OTOGL: variants seen among roughly 807,000 people sequenced by gnomAD.
OTOGL encodes otogelin like.
OTOGL carries 285 observed loss-of-function variants against 318.5 expected under a neutral mutation model. The observed-to-expected ratio is 0.89, with a 90% CI of 0.81 to 0.99. OTOGL has a LOEUF of 0.99. Ranked by LOEUF, OTOGL falls within the 50% of genes least tolerant of loss-of-function variation. The pLI, the probability that OTOGL is intolerant of heterozygous loss-of-function variation, is 0.00. For synonymous variants in OTOGL, 987 were observed against 936.5 expected, an observed-to-expected ratio of 1.05 and a Z score of -0.99; for missense variants, 2,899 against 2,845.6, an observed-to-expected ratio of 1.02 and a Z score of -0.43.
intron 1 of OTOGL, among the ~76,000 whole-genome samples, chr12:80,196,700 T>C (rs1450814400): frequency 1.3e-5 from 2 of 152,242 alleles, no homozygotes; most frequent in Admixed American, 1.3e-4. Flanking sequence ...GTCTTCTCCC[T>C]AGGGCTCTGC....
chr12:80,126,257 T>G (rs1870830959), intron 1 of OTOGL, among the ~76,000 whole-genome samples: 1 of 152,214 alleles, frequency 6.6e-6, no homozygotes, highest in Non-Finnish European at 1.5e-5. Flanking sequence ...TCTCGTTGGT[T>G]TCAAAGAACA....
Position 80,262,082 on chromosome 12 carries a change from A to G in OTOGL, c.2003A>G (p.Asn668Ser), listed in dbSNP as rs538583867. 6.2e-7 allele frequency: 1 copy of G among 1,607,818 alleles called. No homozygotes were observed. Among genetic ancestry groups the G allele is most frequent in the African/African-American group, 1.3e-5 (1 of 74,782 alleles). The change falls in exon 19 of 59, where the codon AAT (asparagine) becomes AGT (serine). Residue 668 changes from asparagine to serine, a missense_variant. Asn to Ser is a conservative substitution (Grantham distance 46). Around this residue, in one of 3 missense-constraint regions of OTOGL, gnomAD observed 2,607 missense variants for 2,524.9 expected, o/e 1.03. Coordinates refer to ENST00000547103, the MANE Select transcript of OTOGL (RefSeq NM_001378609.3). ...HVPVVDPCNI[N>S]QQNIGYAAHC... ...CCAGTGGTGGACCCCTGTAACATCA[A>G]TCAACAAAACAGTAAGTTTTGCATG... is the stretch of plus-strand genomic sequence containing the variant.
intron 1 of OTOGL, among the ~76,000 whole-genome samples, chr12:80,181,683 G>T (rs139562629): frequency 8.7e-4 from 132 of 151,754 alleles, no homozygotes; most frequent in Middle Eastern, 3.4e-3. Context: ...AAGGCATTTC[G>T]TAGGGTCCTA....
At chr12:80,308,535 CG>C (rs1172759050) in intron 29 of OTOGL, among the ~76,000 whole-genome samples, 2 of 151,682 alleles carry the variant, frequency 1.3e-5, no homozygotes. Context: ...GGCGGCCAGG[CG>C]GAGACGCTCC....
chr12:80,247,188 T>C (rs1880986774), intron 11 of OTOGL, among the ~76,000 whole-genome samples: 2 of 148,548 alleles, frequency 1.3e-5, no homozygotes, highest in South Asian at 4.2e-4. Context: ...ATTTTAGTTA[T>C]TTCTTGCCTT....
intron 34 of OTOGL, among the ~76,000 whole-genome samples, chr12:80,322,775 G>A (rs1028241348): frequency 6.6e-6 from 1 of 152,040 alleles, no homozygotes. Flanking sequence ...TTTCAAATCC[G>A]CCCATATATT....
intron 27 of OTOGL, among the ~76,000 whole-genome samples, chr12:80,301,382 A>G (rs951232932): frequency 6.6e-6 from 1 of 152,074 alleles, no homozygotes; most frequent in African/African-American, 2.4e-5. Flanking sequence ...ATCTTCTTTT[A>G]CTATACAACC....
chr12:80,372,969 A>G (rs1428204916), intron 57 of OTOGL, among the ~76,000 whole-genome samples: 2 of 152,120 alleles, frequency 1.3e-5, no homozygotes. Context: ...TTACTATTTC[A>G]TACTAATTTT....
chr12:80,314,290 C>CT lies in OTOGL; in HGVS notation c.3608-8dup. ...CTTCTTACATAGTTTAATATTTATTCTTTTTTTCTTTTAGCACTTGATTGT... is the reference window on the plus strand; with the variant it reads ...CTTCTTACATAGTTTAATATTTATTCTTTTTTTTCTTTTAGCACTTGATTGT... On this transcript the variant is annotated splice_polypyrimidine_tract_variant and intron_variant, in intron 31 of 58. Transcript: ENST00000547103. The CT allele has an allele frequency of 7.1e-6, 7 of 989,812 alleles. No individual in the cohort carries two copies. Among genetic ancestry groups the CT allele is most frequent in the Non-Finnish European group, 5.4e-6 (4 of 742,692 alleles). The allele number at this position is 989,812 out of a possible 1,614,324, so 61.3% of individuals were successfully genotyped here.
chr12:80,351,001 C>G (rs1889508609), intron 44 of OTOGL, among the ~76,000 whole-genome samples: 1 of 151,990 alleles, frequency 6.6e-6, no homozygotes, highest in African/African-American at 2.4e-5. Flanking sequence ...TAGAGCTTTT[C>G]CTCTGTTTTT....
chr12:80,316,956 A>G (rs773874177), intron 32 of OTOGL, among the ~76,000 whole-genome samples: 24 of 152,190 alleles, frequency 1.6e-4, no homozygotes, highest in Non-Finnish European at 2.9e-4. Flanking sequence ...TAAAGCACAT[A>G]CATAAATAAG....
chr12:80,331,333 ATTTTTTTTT>A (rs386377119), intron 37 of OTOGL, among the ~76,000 whole-genome samples: 2 of 81,816 alleles, frequency 2.4e-5, no homozygotes, highest in African/African-American at 9.5e-5. Context: ...AGTCATTAGA[ATTTTTTTTT>A]TTTTTTTTTT....
intron 45 of OTOGL, 108 bp from the exon 46 acceptor site, chr12:80,353,217 A>G: frequency 1.0e-6 from 1 of 998,654 alleles, no homozygotes; most frequent in Admixed American, 3.7e-5. Context: ...GAAGAGACTA[A>G]AATTTGCAAA....
rs17006654 is a variant in OTOGL at position 80,356,154 on chromosome 12, A to G, written c.5806+206A>G. Among the ~76,000 whole-genome samples, 19,103 of 152,206 alleles carry G rather than the reference A, an allele frequency of 0.13. 2,737 individuals carry two copies. The highest frequency in any genetic ancestry group is 0.35 in the African/African-American group (14,506 of 41,486). On this transcript the variant is annotated intron_variant, in intron 47 of 58. Transcript: ENST00000547103. ...CACAGTTAATAACACTCAACAAAAC[A>G]TGAGAAGAGGAAAGATCTGGAAATC...
At chr12:80,219,951 C>G in intron 6 of OTOGL, 39 bp downstream of exon 6, 1 of 1,406,280 alleles carries the variant, frequency 7.1e-7, no homozygotes, top group Non-Finnish European at 9.8e-7. Context: ...TTATGAGATA[C>G]CAAGGAGAAA....
chr12:80,258,136 T>A, intron 18 of OTOGL, 134 bp downstream of exon 18: 2 of 827,322 alleles, frequency 2.4e-6, no homozygotes, highest in Non-Finnish European at 3.5e-6. Context: ...GATCATCGTA[T>A]TTAAAATGTA....
At chr12:80,212,123 G>A (rs1877307958) in intron 4 of OTOGL, 126 bp downstream of exon 4, 3 of 952,014 alleles carry the variant, frequency 3.2e-6, no homozygotes, top group South Asian at 1.7e-5. Context: ...ACAGGAAGGA[G>A]GAGGAAGAAG....
At chr12:80,342,226 C>A in intron 44 of OTOGL, 64 bp downstream of exon 44, 2 of 1,242,802 alleles carry the variant, frequency 1.6e-6, no homozygotes, top group Non-Finnish European at 1.1e-6. Context: ...AAAGCCAATA[C>A]GTTACTGTTC....
intron 43 of OTOGL, 34 bp downstream of exon 43, chr12:80,339,298 G>GGTTTTTTTTTTTTTTT (rs1183997607): frequency 2.2e-6 from 1 of 445,024 alleles, no homozygotes; most frequent in African/African-American, 3.3e-5. Flanking sequence ...GATTTCGTCT[G>GGTTTTTTTTTTTTTTT]TTTTTTTTTT....
Sources: allele counts gnomAD v4.1 joint callset (sites outside exome capture counted in the v4.1 genomes callset), GRCh38; gene constraint gnomAD v4.1.1; regional missense constraint gnomAD v4.1.1; transcripts MANE v1.5; gene names NCBI Gene and HGNC (gene_info 2026-07-23, HGNC 2026-07-21).